Variants in ROGDI observed in about 807,000 individuals in gnomAD.
ROGDI encodes the protein protein rogdi homolog.
In ROGDI, 46 loss-of-function variants were observed where a neutral mutation model predicts 43.1. The ratio of observed to expected loss-of-function variants is 1.07; its 90% CI spans 0.84 to 1.37. The LOEUF (loss-of-function observed/expected upper bound fraction) is 1.37. Among genes scored for constraint, ROGDI ranks in the 40% most tolerant of loss-of-function variants. The pLI is 0.00. For synonymous variants in ROGDI, 243 were observed against 162.0 expected (o/e 1.50, Z -3.80); for missense variants, 518 against 383.9 (o/e 1.35, Z -2.92).
At chr16:4,800,324 C>T (rs569783286) in intron 5 of ROGDI, among the ~76,000 whole-genome samples, 174 bp downstream of exon 5, 1 of 152,336 alleles carries the variant, frequency 6.6e-6, no homozygotes, top group East Asian at 1.9e-4. Context: ...CCACATGGCG[C>T]AGCCTCCAGG....
intron 4 of ROGDI, 60 bp downstream of exon 4, chr16:4,801,207 G>A (rs2082711273): frequency 5.0e-6 from 7 of 1,407,918 alleles, no homozygotes; most frequent in Non-Finnish European, 6.8e-6. Context: ...GAGAGAAAGT[G>A]GGAGCTCCCA....
At chr16:4,797,527 T>C in intron 10 of ROGDI, 26 bp from the exon 11 acceptor site, 1 of 1,609,432 alleles carries the variant, frequency 6.2e-7, no homozygotes, top group Non-Finnish European at 8.5e-7. Context: ...GTGCTGTAGG[T>C]TGCTGAAGGG....
At chr16:4,801,837 G>A (rs2082727470) in intron 2 of ROGDI, 3 of 591,804 alleles carry the variant, frequency 5.1e-6, no homozygotes, top group Non-Finnish European at 9.1e-6. Context: ...AAAACAGACA[G>A]GGGCAGCCTC....
In ROGDI at chr16:4,802,473, G is replaced by A. The variant is rs1356575308; in HGVS notation, c.46-20C>T. 3 of 1,242,714 alleles carry A rather than the reference G, an allele frequency of 2.4e-6. No homozygotes were observed. Among genetic ancestry groups the A allele is most frequent in the Admixed American group, 4.3e-5 (1 of 23,148 alleles). The allele number at this position is 1,242,714 out of a possible 1,614,324, so 77.0% of individuals were successfully genotyped here. ...CTCCTCCTGCGGGACAGACCCGGCG[G>A]TCGCGCCCGGCCCCGCCGCCCCGCC... On this transcript the variant is annotated intron_variant, in intron 1 of 10. Transcript: ENST00000322048.
At chr16:4,801,005 ATCC>A (rs1450681860) in intron 4 of ROGDI, 2 of 510,734 alleles carry the variant, frequency 3.9e-6, no homozygotes, top group Admixed American at 3.6e-5. Context: ...GGCCAGCCTA[ATCC>A]ACCAATGCCC....
chr16:4,798,863 A>C, intron 6 of ROGDI, 196 bp from the exon 7 acceptor site: 5 of 577,834 alleles, frequency 8.7e-6, no homozygotes, highest in East Asian at 6.0e-5. Context: ...GTCTGCACTA[A>C]TGTCAGTCGG....
chr16:4,800,942 A>G (rs2082707647), intron 4 of ROGDI: 2 of 507,800 alleles, frequency 3.9e-6, no homozygotes, highest in Non-Finnish European at 7.0e-6. Context: ...TGCCTGGCAC[A>G]GAGTCGGGTG....
At chr16:4,798,235 G>GA (rs1312397078) in intron 7 of ROGDI, 51 bp from the exon 8 acceptor site, 1 of 1,464,706 alleles carries the variant, frequency 6.8e-7, no homozygotes, top group African/African-American at 1.4e-5. Context: ...GCCCAGGCTG[G>GA]ATGGAGCGGG....
At chr16:4,799,292 T>C (rs1477525792) in intron 6 of ROGDI, among the ~76,000 whole-genome samples, 2 of 152,028 alleles carry the variant, frequency 1.3e-5, no homozygotes, top group Admixed American at 1.3e-4. Context: ...TCTTAGTCTA[T>C]CTGGTTCTAA....
chr16:4,800,410 G>T (rs1382950878), intron 5 of ROGDI, 88 bp downstream of exon 5: 1 of 1,058,664 alleles, frequency 9.4e-7, no homozygotes, highest in African/African-American at 1.6e-5. Flanking sequence ...CAGATCCCCA[G>T]GGCTAGTCCC....
At position 4,797,749 on chromosome 16, in the gene ROGDI, C is replaced by G; in HGVS notation, c.787G>C (p.Val263Leu). 6.6e-7 allele frequency: 1 copy of G among 1,509,174 alleles called. No individual in the cohort carries two copies. The allele number at this position is 1,509,174 out of a possible 1,614,324, so 93.5% of individuals were successfully genotyped here. Residue 263 changes from valine to leucine, a missense_variant, in exon 10 of 11, where the codon GTC (valine) becomes CTC (leucine). Transcript: ENST00000322048. ...AGCTGCTGGCAGAGCTGCAGGGAGA[C>G]GGTGAAGTAGACCAGGGCGTCGTTG... ...WLNDALVYFT[V>L]SLQLCQQLKD...
chr16:4,798,269 T>C, intron 7 of ROGDI, 85 bp from the exon 8 acceptor site: 2 of 1,144,536 alleles, frequency 1.7e-6, no homozygotes, highest in South Asian at 1.3e-5. Flanking sequence ...TCATGGAGTC[T>C]GCAGGGGATC....
chr16:4,799,586 T>A, intron 6 of ROGDI, 100 bp downstream of exon 6: 1 of 803,262 alleles, frequency 1.2e-6, no homozygotes, highest in Non-Finnish European at 2.0e-6. Flanking sequence ...GCTTACAGGT[T>A]GCACAGCTCA....
intron 6 of ROGDI, among the ~76,000 whole-genome samples, chr16:4,799,453 G>A (rs1035597628): frequency 3.9e-5 from 6 of 152,126 alleles, no homozygotes; most frequent in Non-Finnish European, 7.4e-5. Context: ...TGCTGCTACC[G>A]GCAGTGGTGT....
At chr16:4,800,822 G>C (rs946581550) in intron 4 of ROGDI, 9 of 568,124 alleles carry the variant, frequency 1.6e-5, no homozygotes, top group Middle Eastern at 4.4e-4. Context: ...GAAAGGGGAA[G>C]GGGAAGAGGA....
chr16:4,798,328 C>A, intron 7 of ROGDI, 144 bp from the exon 8 acceptor site: 1 of 793,340 alleles, frequency 1.3e-6, no homozygotes, highest in Non-Finnish European at 2.1e-6. Context: ...GGCTTCCAGA[C>A]TTTTCCCAGG....
Position 4,797,084 on chromosome 16 carries a change from G to C in ROGDI, c.*376C>G, listed in dbSNP as rs557318424. On this transcript the variant is annotated 3_prime_UTR_variant, in exon 11 of 11. Transcript: ENST00000322048. Reference sequence around the variant, plus strand: ...GTCTGTGGCGTTCCTCACCATCCCCGGGACTCATAGCTCAGTGCCACCCCC... The same window carrying C: ...GTCTGTGGCGTTCCTCACCATCCCCCGGACTCATAGCTCAGTGCCACCCCC... 4.1e-6 allele frequency: 1 copy of C among 245,014 alleles called. No homozygotes were observed. Among genetic ancestry groups the C allele is most frequent in the Non-Finnish European group, 8.0e-6 (1 of 124,440 alleles). 15.2% of individuals were successfully genotyped at this position (245,014 alleles called of 1,614,324 possible).
intron 6 of ROGDI, 127 bp downstream of exon 6, chr16:4,799,559 A>T (rs1431717202): frequency 1.6e-6 from 1 of 624,672 alleles, no homozygotes; most frequent in Non-Finnish European, 2.8e-6. Flanking sequence ...ATGGAGACAC[A>T]GAGTCGGCAG....
At position 4,798,097 on chromosome 16, in the gene ROGDI, G is replaced by C; in HGVS notation, c.619C>G (p.His207Asp). 2 of 1,614,026 alleles carry C rather than the reference G, an allele frequency of 1.2e-6. No homozygotes were observed. The highest frequency in any genetic ancestry group is 1.7e-6 in the Non-Finnish European group (2 of 1,179,932). Residue 207 changes from histidine to aspartate, a missense_variant, in exon 8 of 11, where the codon CAT (histidine) becomes GAT (aspartate). By Grantham distance (81) the His-to-Asp change is moderately conservative. Coordinates refer to ENST00000322048, the MANE Select transcript of ROGDI (RefSeq NM_024589.3). ...TTGGTGGAGTTGGGCTGCAGGGCAT[G>C]CAGCTGGTACACCGTGAGGCAGAGC... is the stretch of plus-strand genomic sequence containing the variant. Reference protein sequence around the residue: ...NKLCLTVYQLHALQPNSTKNF... With the variant: ...NKLCLTVYQLDALQPNSTKNF...
Sources: gnomAD v4.1 joint callset for allele counts (sites outside exome capture counted in the v4.1 genomes callset) on GRCh38, gnomAD v4.1.1 for gene constraint, MANE v1.5 for transcripts, NCBI Gene and HGNC (gene_info 2026-07-23, HGNC 2026-07-21) for gene names.